Variants in CLCN4 observed in about 807,000 individuals in gnomAD.
The protein encoded by CLCN4 is Cl-/H+ antiporter 4.
A neutral mutation model predicts 41.7 loss-of-function variants in CLCN4; 1 was observed. The observed-to-expected ratio is 0.02, with a 90% CI of 0.01 to 0.11. The LOEUF is 0.11. CLCN4 is among the 10% of genes least tolerant of loss of function. CLCN4 has a pLI of 1.00. For missense variants in CLCN4, 287 were observed against 661.0 expected, an observed-to-expected ratio of 0.43 and a Z score of 6.20; for synonymous variants, 277 against 285.8, an observed-to-expected ratio of 0.97 and a Z score of 0.31.
intron 2 of CLCN4, among the ~76,000 whole-genome samples, chrX:10,177,905 A>T (rs1602142096): frequency 8.9e-6 from 1 of 111,994 alleles, no homozygotes; most frequent in East Asian, 2.8e-4. Context: ...GGATAAACAA[A>T]ATGTGATACA....
At chrX:10,174,655 C>T (rs1040063895) in intron 2 of CLCN4, among the ~76,000 whole-genome samples, 1 of 111,720 alleles carries the variant, frequency 9.0e-6, no homozygotes, top group Non-Finnish European at 1.9e-5. Flanking sequence ...TAATTCCCCC[C>T]ACCCTGTGCC....
At chrX:10,183,667 C>T (rs1180547181) in intron 2 of CLCN4, among the ~76,000 whole-genome samples, 1 of 112,054 alleles carries the variant, frequency 8.9e-6, no homozygotes, top group Non-Finnish European at 1.9e-5. Context: ...GAAATGAGCT[C>T]CTGTGCAATC....
intron 12 of CLCN4, 117 bp downstream of exon 12, chrX:10,220,994 G>T: frequency 1.7e-6 from 1 of 603,392 alleles, no homozygotes. Context: ...ACAGAGAATG[G>T]CAGTAAGCTG....
rs202245864 is a variant in CLCN4, at chrX:10,187,511, C to A, written c.145-4C>A. 4.9e-4 allele frequency: 581 copies of A among 1,194,690 alleles called. No homozygotes were observed. Among genetic ancestry groups the A allele is most frequent in the Non-Finnish European group, 6.1e-4 (538 of 881,375 alleles). ...GATCAGTTGCTGTATCTGCTTTGTT[C>A]TAGATCACCAGCAAGAGCAAGGAGT... On this transcript the variant is annotated splice_region_variant and splice_polypyrimidine_tract_variant and intron_variant, in intron 3 of 12. Coordinates refer to ENST00000380833, the MANE Select transcript of CLCN4 (RefSeq NM_001830.4).
intron 2 of CLCN4, among the ~76,000 whole-genome samples, chrX:10,160,641 G>T (rs1923069415): frequency 8.9e-6 from 1 of 111,859 alleles, no homozygotes; most frequent in South Asian, 3.7e-4. Flanking sequence ...TCTGGTGCTG[G>T]TGGGGGACGT....
At position 10,233,624 on chromosome X, in the gene CLCN4, G is replaced by T. The variant is rs372673020; in HGVS notation, c.*40G>T. 16 of 986,273 alleles carry T rather than the reference G, an allele frequency of 1.6e-5. No homozygotes were observed. Among genetic ancestry groups the T allele is most frequent in the Non-Finnish European group, 2.0e-5 (14 of 692,682 alleles). The allele number at this position is 986,273 out of a possible 1,213,427, so 81.3% of individuals were successfully genotyped here. A position where few individuals can be genotyped will look rare whatever the true frequency, so the allele number is the denominator to read the frequency against. Reference sequence around the variant, plus strand: ...TTATTTTCAGAAAAACACTGACTGTGTCATTTAAAAAGAAATAAATGATAT... The same window carrying T: ...TTATTTTCAGAAAAACACTGACTGTTTCATTTAAAAAGAAATAAATGATAT... On this transcript the variant is annotated 3_prime_UTR_variant, in exon 13 of 13. Coordinates refer to ENST00000380833, the MANE Select transcript of CLCN4 (RefSeq NM_001830.4).
intron 11 of CLCN4, among the ~76,000 whole-genome samples, chrX:10,217,762 T>C (rs1021464336): frequency 7.4e-5 from 8 of 108,449 alleles, no homozygotes; most frequent in Admixed American, 2.0e-4. Context: ...TTTTTTTTTT[T>C]CACTAAGTCT....
chrX:10,231,876 A>T (rs1409964505), intron 12 of CLCN4, among the ~76,000 whole-genome samples: 1 of 112,232 alleles, frequency 8.9e-6, no homozygotes, highest in Non-Finnish European at 1.9e-5. Flanking sequence ...TGATTTTGGT[A>T]TCCATTGACA....
chrX:10,171,657 A>G lies in CLCN4; in HGVS notation c.-12+13106A>G, dbSNP rs1923388512. On this transcript the variant is annotated intron_variant, in intron 2 of 12. Coordinates refer to ENST00000380833, the MANE Select transcript of CLCN4 (RefSeq NM_001830.4). ...TTCCTAGGAGGGCTCATAAAACTTGACACATGGCATATGCATGGCTATGAT... is the reference window on the plus strand; with the variant it reads ...TTCCTAGGAGGGCTCATAAAACTTGGCACATGGCATATGCATGGCTATGAT... Among the ~76,000 whole-genome samples, 5 of 112,189 alleles carry G rather than the reference A, an allele frequency of 4.5e-5. No homozygotes were observed. The South Asian group carries it at 1.8e-3, about 41-fold the overall frequency.
rs1924447715 is a variant in CLCN4, at chrX:10,208,318, G to A, written c.1117G>A (p.Val373Ile). ...TRLGKYPVLE[V>I]IVVTAITAII... ...GCTGGGGAAGTACCCGGTGCTGGAGGTCATTGTGGTGACTGCCATCACTGC... is the reference window on the plus strand; with the variant it reads ...GCTGGGGAAGTACCCGGTGCTGGAGATCATTGTGGTGACTGCCATCACTGC... Residue 373 changes from valine (V) to isoleucine (I), a missense_variant, in exon 9 of 13, where the codon GTC (valine) becomes ATC (isoleucine). By Grantham distance (29) the Val-to-Ile change is conservative. This residue lies in a region of CLCN4 where 94 missense variants were observed against 177.9 expected (regional missense o/e 0.53). Coordinates refer to ENST00000380833, the MANE Select transcript of CLCN4 (RefSeq NM_001830.4). 1.7e-6 allele frequency: 2 copies of A among 1,208,926 alleles called. No individual in the cohort carries two copies. Among genetic ancestry groups the A allele is most frequent in the Non-Finnish European group, 2.2e-6 (2 of 895,082 alleles).
intron 12 of CLCN4, among the ~76,000 whole-genome samples, chrX:10,233,049 C>A (rs1925163231): frequency 8.9e-6 from 1 of 111,905 alleles, no homozygotes; most frequent in African/African-American, 3.3e-5. Context: ...TGATTATAGT[C>A]TTGAAATTTA....
At chrX:10,205,064 G>A (rs956570693) in intron 6 of CLCN4, among the ~76,000 whole-genome samples, 1 of 110,922 alleles carries the variant, frequency 9.0e-6, no homozygotes, top group African/African-American at 3.3e-5. Flanking sequence ...GTCTAACAAG[G>A]TTGGTTCATG....
At chrX:10,230,992 C>T (rs149102577) in intron 12 of CLCN4, among the ~76,000 whole-genome samples, 14 of 111,660 alleles carry the variant, frequency 1.3e-4, no homozygotes, top group African/African-American at 3.9e-4. Flanking sequence ...CTGTGCTCTG[C>T]CTATTTATCC....
chrX:10,182,018 G>T (rs1923698317), intron 2 of CLCN4, among the ~76,000 whole-genome samples: 1 of 111,899 alleles, frequency 8.9e-6, no homozygotes, highest in African/African-American at 3.3e-5. Flanking sequence ...GCAAGATATA[G>T]GTGTCCTGCA....
intron 2 of CLCN4, among the ~76,000 whole-genome samples, chrX:10,167,435 C>G (rs759227392): frequency 3.2e-4 from 36 of 112,412 alleles, no homozygotes; most frequent in Non-Finnish European, 4.3e-4. Flanking sequence ...GAGCCAGCCT[C>G]CAAGATGGGC....
chrX:10,197,611 T>G (rs1355407650), intron 5 of CLCN4, among the ~76,000 whole-genome samples: 3 of 111,793 alleles, frequency 2.7e-5, no homozygotes, highest in Non-Finnish European at 5.6e-5. Context: ...CAGGATTTTC[T>G]GCATCACACC....
chrX:10,184,370 CGT>C (rs1287984619), intron 2 of CLCN4, among the ~76,000 whole-genome samples: 1 of 111,383 alleles, frequency 9.0e-6, no homozygotes, highest in East Asian at 2.8e-4. Context: ...TTCATAGATA[CGT>C]GTGTGTGTAG....
intron 11 of CLCN4, among the ~76,000 whole-genome samples, chrX:10,216,918 T>TATATATATATACACACACACACAC (rs773265490): frequency 2.1e-4 from 8 of 38,931 alleles, no homozygotes; most frequent in Non-Finnish European, 2.5e-4. Context: ...TATATATATA[T>TATATATATATACACACACACACAC]ACACACACAC....
intron 5 of CLCN4, among the ~76,000 whole-genome samples, chrX:10,195,314 C>CATAT (rs61023983): frequency 6.6e-5 from 7 of 106,664 alleles, no homozygotes; most frequent in East Asian, 2.9e-4. Context: ...GTGCACAATG[C>CATAT]ATATATATAT....
Sources: gnomAD v4.1 joint callset for allele counts (sites outside exome capture counted in the v4.1 genomes callset) on GRCh38, gnomAD v4.1.1 for gene constraint, gnomAD v4.1.1 regional missense constraint, MANE v1.5 for transcripts, NCBI Gene and HGNC (gene_info 2026-07-23, HGNC 2026-07-21) for gene names.